Variants in CSGALNACT1 observed in about 807,000 individuals in gnomAD.
CSGALNACT1 encodes chondroitin sulfate N-acetylgalactosaminyltransferase 1.
A neutral mutation model predicts 51.0 loss-of-function variants in CSGALNACT1; 52 were observed. The ratio of observed to expected loss-of-function variants is 1.02; its 90% CI spans 0.82 to 1.29. CSGALNACT1 has a LOEUF of 1.29. Among genes scored for constraint, CSGALNACT1 ranks in the 50% most tolerant of loss-of-function variants. The probability of loss-of-function intolerance (pLI) is 0.00; values close to 1 mark genes in which losing one functional copy is unlikely to be tolerated. For synonymous variants in CSGALNACT1, 341 were observed against 254.4 expected (o/e 1.34, Z -3.24); for missense variants, 935 against 679.2 (o/e 1.38, Z -4.19).
chr8:19,754,835 C>T (rs183534497), intron 1 of CSGALNACT1, among the ~76,000 whole-genome samples: 1 of 152,310 alleles, frequency 6.6e-6, no homozygotes, highest in Admixed American at 6.5e-5. Flanking sequence ...GGCGAAGCTC[C>T]TCTCCAACCC....
At chr8:19,581,612 A>T (rs1219163063) in intron 3 of CSGALNACT1, among the ~76,000 whole-genome samples, 1 of 152,194 alleles carries the variant, frequency 6.6e-6, no homozygotes, top group Non-Finnish European at 1.5e-5. Context: ...TCTAAAAACA[A>T]AACAAAACAA....
intron 1 of CSGALNACT1, among the ~76,000 whole-genome samples, chr8:19,608,116 C>T (rs1228463722): frequency 6.6e-6 from 1 of 152,176 alleles, no homozygotes; most frequent in East Asian, 1.9e-4. Context: ...CTCATTGTGG[C>T]CTTTCCATCG....
intron 1 of CSGALNACT1, among the ~76,000 whole-genome samples, chr8:19,744,769 GT>G (rs1052640540): frequency 1.3e-5 from 2 of 152,174 alleles, no homozygotes; most frequent in Non-Finnish European, 2.9e-5. Context: ...CACGAACACA[GT>G]TTTTACTCAC....
At chr8:19,682,360 C>T in intron 1 of CSGALNACT1, 2 of 303,670 alleles carry the variant, frequency 6.6e-6, no homozygotes, top group Non-Finnish European at 1.3e-5. Flanking sequence ...GCTCACTTAC[C>T]TCCCTTCCTA....
At chr8:19,428,383 G>C (rs115097053) in intron 6 of CSGALNACT1, among the ~76,000 whole-genome samples, 2 of 152,178 alleles carry the variant, frequency 1.3e-5, no homozygotes, top group African/African-American at 4.8e-5. Context: ...GTGGCGGCAG[G>C]TGAGGGAGAA....
intron 3 of CSGALNACT1, among the ~76,000 whole-genome samples, chr8:19,547,183 T>A (rs1400668715): frequency 6.6e-6 from 1 of 152,130 alleles, no homozygotes; most frequent in Non-Finnish European, 1.5e-5. Flanking sequence ...ATGCCAGCAG[T>A]GTTTTGTTAA....
intron 1 of CSGALNACT1, among the ~76,000 whole-genome samples, chr8:19,750,033 G>C (rs2064930492): frequency 6.6e-6 from 1 of 152,154 alleles, no homozygotes; most frequent in Admixed American, 6.5e-5. Context: ...GACCCCTCAA[G>C]AAATGGTCAC....
chr8:19,583,760 A>G (rs60174662), intron 3 of CSGALNACT1, among the ~76,000 whole-genome samples: 5 of 152,332 alleles, frequency 3.3e-5, no homozygotes, highest in African/African-American at 1.2e-4. Context: ...ACCTTGCATC[A>G]GCCACAAAGC....
intron 1 of CSGALNACT1, among the ~76,000 whole-genome samples, chr8:19,702,756 A>C (rs1167769722): frequency 6.6e-6 from 1 of 152,060 alleles, no homozygotes; most frequent in Non-Finnish European, 1.5e-5. Context: ...CCTCGTCCTC[A>C]AGACTCAAGT....
chr8:19,698,840 T>A (rs1589576620), intron 1 of CSGALNACT1, among the ~76,000 whole-genome samples: 1 of 152,204 alleles, frequency 6.6e-6, no homozygotes, highest in Non-Finnish European at 1.5e-5. Context: ...TCCCTCATTA[T>A]CTATGGGGGA....
At chr8:19,493,657 G>C (rs1248350586) in intron 4 of CSGALNACT1, among the ~76,000 whole-genome samples, 1 of 152,160 alleles carries the variant, frequency 6.6e-6, no homozygotes, top group Non-Finnish European at 1.5e-5. Flanking sequence ...TTATGCTGCA[G>C]CATGTTATCA....
At chr8:19,416,175 C>A (rs1018510402) in intron 8 of CSGALNACT1, among the ~76,000 whole-genome samples, 1 of 140,242 alleles carries the variant, frequency 7.1e-6, no homozygotes, top group African/African-American at 2.6e-5. Context: ...AGTGCAGTGG[C>A]ACGATCTCGG....
At chr8:19,547,448 T>TC (rs959469006) in intron 3 of CSGALNACT1, among the ~76,000 whole-genome samples, 27 of 346 alleles carry the variant, frequency 0.078, no homozygotes, top group Admixed American at 0.12. Flanking sequence ...ATGGGGGTGG[T>TC]TTCCCCATAC....
At chr8:19,652,754 C>T (rs1363696605) in intron 1 of CSGALNACT1, among the ~76,000 whole-genome samples, 1 of 152,210 alleles carries the variant, frequency 6.6e-6, no homozygotes, top group Non-Finnish European at 1.5e-5. Context: ...CCCCACCACT[C>T]TTCAGTAATC....
At position 19,590,711 on chromosome 8, in the gene CSGALNACT1, G is replaced by A. The variant is rs192268079; in HGVS notation, c.-297+449C>T. On this transcript the variant is annotated intron_variant, in intron 3 of 9. Coordinates refer to ENST00000454498, the Ensembl canonical transcript of CSGALNACT1. ...GTCGCCCAGGCTGGAGTGCATTGGC[G>A]CGATCTCGGCTCACTGCAACTTCCA... 8.3e-4 allele frequency among the ~76,000 whole-genome samples: 113 copies of A among 136,732 alleles called. 2 individuals are homozygous for A. The highest frequency in any genetic ancestry group is 3.9e-3 in the Middle Eastern group (1 of 258). 89.7% of individuals were successfully genotyped at this position (136,732 alleles called of 152,430 possible).
At chr8:19,517,069 C>T (rs1291441570) in intron 3 of CSGALNACT1, among the ~76,000 whole-genome samples, 1 of 152,148 alleles carries the variant, frequency 6.6e-6, no homozygotes, top group South Asian at 2.1e-4. Flanking sequence ...ACTCACATAT[C>T]AAGTTCGAAG....
chr8:19,410,229 A>G (rs1212128368), intron 8 of CSGALNACT1, among the ~76,000 whole-genome samples: 1 of 152,142 alleles, frequency 6.6e-6, no homozygotes, highest in Non-Finnish European at 1.5e-5. Context: ...AAGTATTCTC[A>G]AGTTCTACTT....
At chr8:19,543,001 G>A (rs1316652739) in intron 3 of CSGALNACT1, among the ~76,000 whole-genome samples, 1 of 152,070 alleles carries the variant, frequency 6.6e-6, no homozygotes, top group Non-Finnish European at 1.5e-5. Context: ...GCTACCAACA[G>A]TAAGACTCAA....
In CSGALNACT1 at chr8:19,728,171, T is replaced by C. The variant is rs912657331; in HGVS notation, c.-297+29679A>G. On this transcript the variant is annotated intron_variant, in intron 1 of 1. Coordinates refer to the CSGALNACT1 transcript ENST00000517494. ...TGCCTCCGTTTCCTCATCTGTAAAA[T>C]CTCGTAGGGTTGTTATGAGGATTAA... Among the ~76,000 whole-genome samples the C allele has an allele frequency of 6.6e-5, 10 of 152,218 alleles. No homozygotes were observed. In the South Asian group the frequency reaches 8.3e-4, roughly 13 times the overall value.
Sources: gnomAD v4.1 joint callset for allele counts (sites outside exome capture counted in the v4.1 genomes callset) on GRCh38, gnomAD v4.1.1 for gene constraint, MANE v1.5 for transcripts, NCBI Gene and HGNC (gene_info 2026-07-23, HGNC 2026-07-21) for gene names.